Variants in ZSCAN25 observed in about 807,000 individuals in gnomAD.
ZSCAN25 encodes the protein zinc finger and SCAN domain-containing protein 25.
In ZSCAN25, 27 loss-of-function variants were observed where a neutral mutation model predicts 38.7. The ratio of observed to expected loss-of-function variants is 0.70; its 90% CI spans 0.51 to 0.96. ZSCAN25 has a LOEUF of 0.96. Ranked by LOEUF, ZSCAN25 falls within the 40% of genes least tolerant of loss-of-function variation. ZSCAN25 has a pLI of 0.00. For synonymous variants in ZSCAN25, 273 were observed against 277.7 expected (o/e 0.98, Z 0.17); for missense variants, 637 against 705.9 (o/e 0.90, Z 1.11).
the ZSCAN25 span, chr7:99,730,781 C>T: frequency 2.5e-6 from 1 of 404,978 alleles, no homozygotes; most frequent in Non-Finnish European, 4.6e-6. Flanking sequence ...AGGAAATGCT[C>T]TTTATGGTGC....
chr7:99,718,254 CT>C, the ZSCAN25 span, among the ~76,000 whole-genome samples: 4 of 151,970 alleles, frequency 2.6e-5, no homozygotes, highest in Non-Finnish European at 5.9e-5. Flanking sequence ...CACATGTACC[CT>C]AAAAAAAGTA....
chr7:99,623,489 A>G (rs939533289), intron 6 of ZSCAN25, among the ~76,000 whole-genome samples: 1 of 152,232 alleles, frequency 6.6e-6, no homozygotes, highest in Admixed American at 6.5e-5. Context: ...AGGCGAGTCT[A>G]AAAGAGTTCT....
At chr7:99,674,469 C>G in the ZSCAN25 span, 22 of 1,316,854 alleles carry the variant, frequency 1.7e-5, no homozygotes, top group South Asian at 2.5e-5. Context: ...CAGAGACTAT[C>G]CTGCAGTGGG....
chr7:99,635,907 C>T (rs1030617267), downstream of ZSCAN25, among the ~76,000 whole-genome samples: 67 of 152,012 alleles, frequency 4.4e-4, no homozygotes, highest in African/African-American at 1.6e-3. Context: ...ATTAGCCGGG[C>T]GTGGTGGCGG....
chr7:99,631,585 T>G lies in ZSCAN25; in HGVS notation c.*1565T>G, dbSNP rs899828544. The G allele has an allele frequency of 6.0e-5, 59 of 985,342 alleles. No homozygotes were observed. Among genetic ancestry groups the G allele is most frequent in the Non-Finnish European group, 6.7e-5 (56 of 829,940 alleles). The allele number at this position is 985,342 out of a possible 1,614,324, so 61.0% of individuals were successfully genotyped here. ...TAATTGCAAAATGTGGTTTGTCTTC[T>G]GATGCCTCTTAATACCAGATTCTTT... On this transcript the variant is annotated 3_prime_UTR_variant, in exon 8 of 8. Transcript: ENST00000394152.
chr7:99,665,009 C>T, the ZSCAN25 span, among the ~76,000 whole-genome samples: 3 of 152,138 alleles, frequency 2.0e-5, no homozygotes, highest in African/African-American at 7.2e-5. Flanking sequence ...TTGACAAAAA[C>T]ATTTTAGTTT....
At chr7:99,672,436 A>AC in the ZSCAN25 span, 1 of 671,792 alleles carries the variant, frequency 1.5e-6, no homozygotes, top group Non-Finnish European at 2.6e-6. Flanking sequence ...GCAAGATGTT[A>AC]CCACTGGGCG....
intron 7 of ZSCAN25, among the ~76,000 whole-genome samples, chr7:99,625,169 C>T (rs11975707): frequency 0.031 from 4,664 of 152,160 alleles, 226 homozygotes; most frequent in African/African-American, 0.1. Flanking sequence ...TCAGTTTCCT[C>T]TGTTGTGGAA....
At chr7:99,648,944 CT>C in the ZSCAN25 span, among the ~76,000 whole-genome samples, 27 of 152,288 alleles carry the variant, frequency 1.8e-4, no homozygotes, top group South Asian at 4.1e-3. Flanking sequence ...AACATCTCCT[CT>C]TGGCTTCCAA....
At chr7:99,636,980 C>G (rs755506767), downstream of ZSCAN25, among the ~76,000 whole-genome samples, 14 of 152,232 alleles carry the variant, frequency 9.2e-5, no homozygotes, top group Non-Finnish European at 1.3e-4. Context: ...AGACAGTGTA[C>G]TATTGAACCA....
chr7:99,683,963 A>G, the ZSCAN25 span, among the ~76,000 whole-genome samples: 25 of 152,252 alleles, frequency 1.6e-4, no homozygotes, highest in African/African-American at 4.6e-4. Flanking sequence ...TGCCCAATCA[A>G]TTGACCAATT....
At chr7:99,622,830 G>A (rs73405302) in intron 6 of ZSCAN25, among the ~76,000 whole-genome samples, 190 bp downstream of exon 6, 3,737 of 152,204 alleles carry the variant, frequency 0.025, 66 homozygotes, top group African/African-American at 0.037. Flanking sequence ...AATTTACATC[G>A]AACCTTATGT....
chr7:99,641,961 C>G, the ZSCAN25 span, among the ~76,000 whole-genome samples: 2 of 152,326 alleles, frequency 1.3e-5, no homozygotes, highest in East Asian at 3.9e-4. Flanking sequence ...TTGTTTGGAA[C>G]TTTCCAAAGG....
At chr7:99,650,282 G>C in the ZSCAN25 span, 1 of 1,571,640 alleles carries the variant, frequency 6.4e-7, no homozygotes, top group Non-Finnish European at 8.7e-7. Flanking sequence ...AAAAACCACA[G>C]AGTTACATGT....
chr7:99,680,293 A>T, the ZSCAN25 span, among the ~76,000 whole-genome samples: 1 of 151,954 alleles, frequency 6.6e-6, no homozygotes, highest in Non-Finnish European at 1.5e-5. Context: ...CCACACCTAC[A>T]CATCTTTACC....
the ZSCAN25 span, among the ~76,000 whole-genome samples, chr7:99,680,347 G>A: frequency 6.6e-6 from 1 of 152,082 alleles, no homozygotes; most frequent in Non-Finnish European, 1.5e-5. Context: ...CCCTCTAGAT[G>A]ACTCCTACGT....
chr7:99,704,635 G>A, the ZSCAN25 span, among the ~76,000 whole-genome samples: 1 of 151,704 alleles, frequency 6.6e-6, no homozygotes, highest in African/African-American at 2.4e-5. Flanking sequence ...TAAACAATGG[G>A]CAAAGTCATA....
Position 99,622,618 on chromosome 7 carries a change from G to T in ZSCAN25, c.659G>T (p.Gly220Val), listed in dbSNP as rs777339687. 2.5e-6 allele frequency: 4 copies of T among 1,614,150 alleles called. No individual in the cohort carries two copies. The highest frequency in any genetic ancestry group is 2.5e-6 in the Non-Finnish European group (3 of 1,180,016). ...VNPRDQEMAA[G>V]FFTAGSQGLG... ...CCCAGAGACCAAGAGATGGCAGCTG[G>T]GTTCTTTACTGCTGGATCGCAGGTG... The change falls in exon 6 of 8, where the codon GGG becomes GTG. Residue 220 changes from glycine to valine, a missense_variant. Gly to Val is a moderately radical substitution (Grantham distance 109). Transcript: ENST00000394152.
At chr7:99,650,198 T>C in the ZSCAN25 span, 1 of 1,614,080 alleles carries the variant, frequency 6.2e-7, no homozygotes, top group South Asian at 1.1e-5. Context: ...GGTGTGTATA[T>C]GTAAGGATCT....
Sources: gnomAD v4.1 joint callset for allele counts (sites outside exome capture counted in the v4.1 genomes callset) on GRCh38, gnomAD v4.1.1 for gene constraint, MANE v1.5 for transcripts, NCBI Gene and HGNC (gene_info 2026-07-23, HGNC 2026-07-21) for gene names.